Variants in MTUS2 observed in about 807,000 individuals in gnomAD.
MTUS2 encodes the protein microtubule associated scaffold protein 2, also known as microtubule-associated tumor suppressor candidate 2.
MTUS2 carries 40 observed loss-of-function variants against 114.1 expected under a neutral mutation model. The observed-to-expected ratio is 0.35, with a 90% confidence interval of 0.27 to 0.46. MTUS2 has a LOEUF of 0.46. Ranked by LOEUF, MTUS2 falls within the 20% of genes least tolerant of loss-of-function variation. The probability of loss-of-function intolerance (pLI) is 1.00; values close to 1 mark genes in which losing one functional copy is unlikely to be tolerated. For missense variants in MTUS2, 1,679 were observed against 1,705.4 expected (o/e 0.98, Z 0.27); for synonymous variants, 688 against 672.0 (o/e 1.02, Z -0.37).
At chr13:29,225,374 A>T (rs1896066529) in intron 5 of MTUS2, among the ~76,000 whole-genome samples, 1 of 152,218 alleles carries the variant, frequency 6.6e-6, no homozygotes, top group Admixed American at 6.5e-5. Context: ...AATCTGATTT[A>T]AAAAAATAAT....
intron 5 of MTUS2, among the ~76,000 whole-genome samples, chr13:29,138,278 C>T (rs932662126): frequency 2.6e-5 from 4 of 151,950 alleles, no homozygotes; most frequent in Admixed American, 2.6e-4. Flanking sequence ...AAGTTGTAAG[C>T]CTTCAATAGA....
At chr13:29,455,473 C>T (rs1879036119) in intron 9 of MTUS2, among the ~76,000 whole-genome samples, 1 of 152,142 alleles carries the variant, frequency 6.6e-6, no homozygotes, top group Non-Finnish European at 1.5e-5. Flanking sequence ...AAGTGTCTGT[C>T]TAGCGCGAAA....
intron 6 of MTUS2, chr13:29,307,868 C>A: frequency 1.7e-6 from 1 of 595,714 alleles, no homozygotes; most frequent in Non-Finnish European, 3.0e-6. Context: ...TCCCCCTCCA[C>A]ACTGAGAATC....
chr13:29,236,015 C>G (rs1303562188), intron 5 of MTUS2, among the ~76,000 whole-genome samples: 1 of 152,056 alleles, frequency 6.6e-6, no homozygotes, highest in Non-Finnish European at 1.5e-5. Context: ...CTCTGTCTTC[C>G]CCTCCTATAT....
At chr13:29,090,338 A>ACACTC (rs2138773066) in intron 4 of MTUS2, among the ~76,000 whole-genome samples, 1 of 152,282 alleles carries the variant, frequency 6.6e-6, no homozygotes, top group East Asian at 1.9e-4. Context: ...CTGGAAAACA[A>ACACTC]CACTCTGATG....
Position 29,503,035 on chromosome 13 carries a change from G to A in MTUS2, c.3939G>A (p.Glu1313=). ...ATGCTAACCTCCAGGAATATGTTGA[G>A]AAGGAAACCCAGGAGAAGAAGAGAT... The part of the protein sequence containing the change: ...EENANLQEYV[E]KETQEKKRLS... The change falls in exon 16 of 16, where the codon GAG becomes GAA. Residue 1313 remains glutamate (E), a synonymous_variant. Transcript: ENST00000612955. 1.2e-6 allele frequency: 2 copies of A among 1,614,240 alleles called. No individual in the cohort carries two copies. The highest frequency in any genetic ancestry group is 1.7e-6 in the Non-Finnish European group (2 of 1,180,050).
intron 5 of MTUS2, among the ~76,000 whole-genome samples, chr13:29,192,685 CTTAAAG>C (rs1156879025): frequency 6.6e-6 from 1 of 152,110 alleles, no homozygotes; most frequent in African/African-American, 2.4e-5. Flanking sequence ...AAAAATATTT[CTTAAAG>C]TTAAAAAAAC....
chr13:29,370,922 G>A (rs757979499), intron 8 of MTUS2, among the ~76,000 whole-genome samples: 16 of 152,140 alleles, frequency 1.1e-4, no homozygotes, highest in South Asian at 2.1e-4. Context: ...CAAGATTACC[G>A]CAGATAAAGA....
intron 2 of MTUS2, among the ~76,000 whole-genome samples, chr13:28,929,104 C>T (rs892315477): frequency 2.0e-5 from 3 of 151,852 alleles, no homozygotes; most frequent in African/African-American, 7.3e-5. Flanking sequence ...TACGTCAAAA[C>T]CAAAAATGTG....
chr13:29,465,792 T>G (rs1392099494), intron 9 of MTUS2, among the ~76,000 whole-genome samples: 1 of 152,230 alleles, frequency 6.6e-6, no homozygotes, highest in Non-Finnish European at 1.5e-5. Context: ...TCCTGGCCTC[T>G]GCTCCATAAG....
chr13:29,355,369 G>T (rs564517042), intron 7 of MTUS2, among the ~76,000 whole-genome samples: 2 of 148,968 alleles, frequency 1.3e-5, no homozygotes, highest in African/African-American at 5.2e-5. Context: ...TATGTAGCCA[G>T]TAGGACCAGC....
At position 28,966,738 on chromosome 13, in the gene MTUS2, A is replaced by C. The variant is rs910797789; in HGVS notation, c.-242-57719A>C. ...AGACCCTGTCTCAAAAAAAAAAAAAAAAAAAAAAAACAAAGAACTGATTAT... is the reference window on the plus strand; with the variant it reads ...AGACCCTGTCTCAAAAAAAAAAAAACAAAAAAAAAACAAAGAACTGATTAT... On this transcript the variant is annotated intron_variant, in intron 2 of 15. Transcript: ENST00000612955. 8.6e-5 allele frequency among the ~76,000 whole-genome samples: 13 copies of C among 151,734 alleles called. 1 individual carries two copies. In the Middle Eastern group the frequency reaches 0.014, roughly 159 times the overall value.
At chr13:29,176,608 T>A (rs1371930120) in intron 5 of MTUS2, among the ~76,000 whole-genome samples, 1 of 152,196 alleles carries the variant, frequency 6.6e-6, no homozygotes, top group African/African-American at 2.4e-5. Context: ...TCTAGCCATA[T>A]CTTCAGATGG....
Position 29,497,319 on chromosome 13 carries a change from A to T in MTUS2, c.3661A>T (p.Thr1221Ser), listed in dbSNP as rs761491782. The T allele has an allele frequency of 1.2e-6, 2 of 1,611,762 alleles. No individual in the cohort carries two copies. The highest frequency in any genetic ancestry group is 3.3e-5 in the Admixed American group (2 of 59,990). The change falls in exon 13 of 16, where the codon ACA becomes TCA. Residue 1221 changes from threonine (T) to serine (S), a missense_variant. Around this residue, in one of 3 missense-constraint regions of MTUS2, gnomAD observed 822 missense variants for 899.7 expected, o/e 0.91. Coordinates refer to ENST00000612955, the MANE Select transcript of MTUS2 (RefSeq NM_001033602.4). ...CTTCGAAGAGGCCTTGAGGAAGAAC[A>T]CAGAGGAGCAGCTGGAGGTCGTTTC... is the stretch of plus-strand genomic sequence containing the variant. ...RRFEEALRKN[T>S]EEQLEIALAP... is the part of the protein sequence containing the mutation.
At chr13:29,058,592 T>A (rs994120036) in intron 4 of MTUS2, among the ~76,000 whole-genome samples, 10 of 150,536 alleles carry the variant, frequency 6.6e-5, no homozygotes, top group Non-Finnish European at 7.4e-5. Context: ...AATTATTATT[T>A]TTTTATTTTT....
intron 1 of MTUS2, among the ~76,000 whole-genome samples, chr13:28,827,432 A>T (rs140693665): frequency 2.8e-4 from 42 of 152,320 alleles, no homozygotes; most frequent in African/African-American, 9.9e-4. Flanking sequence ...CTACCCCCAA[A>T]CTTTATACTG....
intron 7 of MTUS2, among the ~76,000 whole-genome samples, chr13:29,355,359 T>C (rs1869650185): frequency 6.7e-6 from 1 of 150,360 alleles, no homozygotes; most frequent in African/African-American, 2.5e-5. Flanking sequence ...TAACCAGAGT[T>C]ATGTAGCCAG....
chr13:28,916,706 T>C (rs904025962), intron 2 of MTUS2, among the ~76,000 whole-genome samples: 9 of 151,844 alleles, frequency 5.9e-5, no homozygotes, highest in Non-Finnish European at 8.9e-5. Context: ...AAATATGTCA[T>C]CTACAAACAA....
chr13:29,129,016 G>A (rs1891638779), intron 5 of MTUS2, among the ~76,000 whole-genome samples: 1 of 152,166 alleles, frequency 6.6e-6, no homozygotes. Context: ...TCAAACCATT[G>A]CCCTAAATGT....
Sources: allele counts gnomAD v4.1 joint callset (sites outside exome capture counted in the v4.1 genomes callset), GRCh38; gene constraint gnomAD v4.1.1; regional missense constraint gnomAD v4.1.1; transcripts MANE v1.5; gene names NCBI Gene and HGNC (gene_info 2026-07-23, HGNC 2026-07-21).